Variants in SLC35A3 observed in about 807,000 individuals in gnomAD.
The protein encoded by SLC35A3 is solute carrier family 35 member A3, also known as UDP-N-acetylglucosamine transporter.
Under a neutral mutation model 39.0 loss-of-function variants are expected in SLC35A3, and 26 were observed. The ratio of observed to expected loss-of-function variants is 0.67; its 90% CI spans 0.49 to 0.92. The LOEUF is 0.92. SLC35A3 is among the 40% of genes least tolerant of loss of function. SLC35A3 has a pLI of 0.00. For synonymous variants in SLC35A3, 135 were observed against 133.1 expected, an observed-to-expected ratio of 1.01 and a Z score of -0.10; for missense variants, 299 against 371.6, an observed-to-expected ratio of 0.80 and a Z score of 1.61.
chr1:99,971,850 T>C (rs1249728771), intron 1 of SLC35A3, among the ~76,000 whole-genome samples: 2 of 152,234 alleles, frequency 1.3e-5, no homozygotes, highest in Admixed American at 6.5e-5. Context: ...CTCTTTCTTA[T>C]GCAGCTTTCT....
chr1:100,009,751 G>A (rs1415634427), intron 4 of SLC35A3, among the ~76,000 whole-genome samples: 1 of 152,216 alleles, frequency 6.6e-6, no homozygotes, highest in Non-Finnish European at 1.5e-5. Flanking sequence ...CATAGAGAAT[G>A]GAGAGCAAGG....
intron 6 of SLC35A3, 48 bp downstream of exon 6, chr1:100,015,468 A>T: frequency 6.4e-7 from 1 of 1,554,618 alleles, no homozygotes; most frequent in Non-Finnish European, 8.7e-7. Context: ...CTGTATTTTA[A>T]TATAAAGAAT....
chr1:100,015,576 C>A, intron 6 of SLC35A3, 156 bp downstream of exon 6: 1 of 736,538 alleles, frequency 1.4e-6, no homozygotes, highest in Non-Finnish European at 1.9e-6. Context: ...TAGAAGTGAT[C>A]TTAATGCTGT....
intron 1 of SLC35A3, among the ~76,000 whole-genome samples, chr1:99,992,798 T>A (rs780835512): frequency 6.6e-5 from 10 of 152,236 alleles, no homozygotes; most frequent in Non-Finnish European, 1.0e-4. Flanking sequence ...TTTTGCATAT[T>A]ATGAGACTCT....
At chr1:100,014,586 A>G (rs1323739997) in intron 5 of SLC35A3, among the ~76,000 whole-genome samples, 1 of 152,206 alleles carries the variant, frequency 6.6e-6, no homozygotes, top group African/African-American at 2.4e-5. Flanking sequence ...TGTATGTATC[A>G]ATGTGAATAT....
rs187083014 is a variant in SLC35A3, at chr1:100,021,342, C to T, written c.888-1044C>T. 5.7e-3 allele frequency among the ~76,000 whole-genome samples: 856 copies of T among 151,466 alleles called. 11 individuals are homozygous for T. The highest frequency in any genetic ancestry group is 0.019 in the African/African-American group (804 of 41,302). On this transcript the variant is annotated intron_variant, in intron 7 of 7. Coordinates refer to ENST00000533028, the MANE Select transcript of SLC35A3 (RefSeq NM_012243.3). ...TCACACCACTGCACTCCAGCCTGGG[C>T]GACAGAGTGAGACTCCATCTCAAAA...
intron 7 of SLC35A3, 170 bp downstream of exon 7, chr1:100,017,985 C>T: frequency 2.5e-6 from 1 of 397,952 alleles, no homozygotes; most frequent in Non-Finnish European, 4.4e-6. Context: ...AAAGTCTTCT[C>T]CTGAAAAGTT....
chr1:100,011,619 G>A (rs1659643711), intron 5 of SLC35A3, 86 bp downstream of exon 5: 1 of 429,674 alleles, frequency 2.3e-6, no homozygotes, highest in South Asian at 1.2e-4. Flanking sequence ...AAATAAATGA[G>A]CCTTGCATAA....
chr1:100,024,570 C>T lies in SLC35A3; in HGVS notation c.*2094C>T, dbSNP rs564502318. On this transcript the variant is annotated 3_prime_UTR_variant, in exon 8 of 8. Coordinates refer to ENST00000533028, the MANE Select transcript of SLC35A3 (RefSeq NM_012243.3). Reference sequence around the variant, plus strand: ...CGTCTCAAAAAAAAAAAAAAGAAAACACACACACACACACACACACCCACA... The same window carrying T: ...CGTCTCAAAAAAAAAAAAAAGAAAATACACACACACACACACACACCCACA... The T allele has an allele frequency of 0.014, 2,277 of 161,260 alleles. 20 individuals are homozygous for T. The highest frequency in any genetic ancestry group is 0.061 in the Middle Eastern group (21 of 346). The allele number at this position is 161,260 out of a possible 1,614,324, so 10.0% of individuals were successfully genotyped here. A position where few individuals can be genotyped will look rare whatever the true frequency, so the allele number is the denominator to read the frequency against.
At chr1:100,019,913 T>A (rs1660419347) in intron 7 of SLC35A3, among the ~76,000 whole-genome samples, 1 of 152,206 alleles carries the variant, frequency 6.6e-6, no homozygotes, top group Non-Finnish European at 1.5e-5. Context: ...TTATTGGTGT[T>A]ACCATTCTTC....
intron 3 of SLC35A3, among the ~76,000 whole-genome samples, chr1:100,003,973 T>A (rs1328746474): frequency 6.6e-6 from 1 of 152,234 alleles, no homozygotes; most frequent in African/African-American, 2.4e-5. Context: ...ATGGAATATC[T>A]CTCTATCCCT....
intron 3 of SLC35A3, among the ~76,000 whole-genome samples, chr1:100,002,973 C>T (rs1025471243): frequency 1.3e-5 from 2 of 151,958 alleles, no homozygotes; most frequent in African/African-American, 4.8e-5. Flanking sequence ...TCTTGCTTTT[C>T]TAGCTTCTCG....
In SLC35A3 at chr1:100,030,802, T is replaced by A. The variant is rs998400112; in HGVS notation, c.*8326T>A. The A allele has an allele frequency of 6.6e-6, 1 of 152,208 alleles. No individual in the cohort carries two copies. Among genetic ancestry groups the A allele is most frequent in the Admixed American group, 6.5e-5 (1 of 15,282 alleles). 9.4% of individuals were successfully genotyped at this position (152,208 alleles called of 1,614,324 possible). A position where few individuals can be genotyped will look rare whatever the true frequency, so the allele number is the denominator to read the frequency against. On this transcript the variant is annotated 3_prime_UTR_variant, in exon 8 of 8. Transcript: ENST00000533028. ...CTGCTTGGATAGTAAATACAGCATT[T>A]TAAAATGATGATGCTAAGTGCTTTT...
intron 2 of SLC35A3, among the ~76,000 whole-genome samples, chr1:99,996,045 A>G (rs961363028): frequency 1.3e-5 from 2 of 152,204 alleles, no homozygotes; most frequent in East Asian, 1.9e-4. Context: ...AAATGTGGTA[A>G]AACCAACTTT....
chr1:99,986,246 C>A (rs1657734893), intron 1 of SLC35A3, among the ~76,000 whole-genome samples: 1 of 149,986 alleles, frequency 6.7e-6, no homozygotes, highest in Non-Finnish European at 1.5e-5. Context: ...TTCACTGCAG[C>A]CTCGACCTCC....
At chr1:99,991,198 T>C (rs899371540) in intron 1 of SLC35A3, among the ~76,000 whole-genome samples, 4 of 152,208 alleles carry the variant, frequency 2.6e-5, no homozygotes, top group Non-Finnish European at 5.9e-5. Flanking sequence ...CAGGCTGGAG[T>C]GCAGTGGCGC....
chr1:100,030,836 T>A lies in SLC35A3; in HGVS notation c.*8360T>A, dbSNP rs183701374. 28 of 152,348 alleles carry A rather than the reference T, an allele frequency of 1.8e-4. No individual in the cohort carries two copies. Among genetic ancestry groups the A allele is most frequent in the Admixed American group, 7.2e-4 (11 of 15,302 alleles). The allele number at this position is 152,348 out of a possible 1,614,324, so 9.4% of individuals were successfully genotyped here. On this transcript the variant is annotated 3_prime_UTR_variant, in exon 8 of 8. Coordinates refer to ENST00000533028, the MANE Select transcript of SLC35A3 (RefSeq NM_012243.3). ...TGATGCTAAGTGCTTTTTTAATATA[T>A]GCATGCTGCTTCAATAGGTCTTTTA...
chr1:99,990,403 G>A (rs776299456), intron 1 of SLC35A3, among the ~76,000 whole-genome samples: 4 of 151,914 alleles, frequency 2.6e-5, no homozygotes, highest in Non-Finnish European at 5.9e-5. Flanking sequence ...GTGAAACCCC[G>A]TCTCTACTAA....
intron 6 of SLC35A3, among the ~76,000 whole-genome samples, chr1:100,017,212 T>G (rs185196157): frequency 8.5e-5 from 13 of 152,264 alleles, no homozygotes; most frequent in Admixed American, 4.6e-4. Flanking sequence ...TTTAGAAAAC[T>G]TAATGTGACA....
Sources: allele counts gnomAD v4.1 joint callset (sites outside exome capture counted in the v4.1 genomes callset), GRCh38; gene constraint gnomAD v4.1.1; transcripts MANE v1.5; gene names NCBI Gene and HGNC (gene_info 2026-07-23, HGNC 2026-07-21).